The following UNC79 variants were observed in gnomAD, a reference collection of about 807,000 sequenced individuals.
UNC79 encodes protein unc-79 homolog.
In UNC79, 37 loss-of-function variants were observed where a neutral mutation model predicts 283.1. The observed-to-expected ratio is 0.13, with a 90% confidence interval of 0.10 to 0.17. UNC79 has a LOEUF of 0.17. Ranked by LOEUF, UNC79 falls within the 10% of genes least tolerant of loss-of-function variation. The pLI is 1.00. For missense variants in UNC79, 2,272 were observed against 3,211.1 expected (o/e 0.71, Z 7.07); for synonymous variants, 1,107 against 1,200.2 (o/e 0.92, Z 1.61).
chr14:93,437,925 G>T (rs1304730675), intron 1 of UNC79, among the ~76,000 whole-genome samples: 1 of 152,084 alleles, frequency 6.6e-6, no homozygotes, highest in African/African-American at 2.4e-5. Flanking sequence ...TCCAAATGAG[G>T]TCACATTCAC....
At position 93,419,023 on chromosome 14, in the gene UNC79, C is replaced by T. The variant is rs184475112; in HGVS notation, c.-350-48648C>T. Among the ~76,000 whole-genome samples the T allele has an allele frequency of 2.6e-3, 402 of 151,906 alleles. 2 individuals are homozygous for T. The highest frequency in any genetic ancestry group is 9.1e-3 in the African/African-American group (378 of 41,520). ...GTTTCGGCTCATGCACGGTGCGCTG[C>T]ACCCACTGTCCTGTGCCCACTGTCT... is the stretch of plus-strand genomic sequence containing the variant. On this transcript the variant is annotated intron_variant, in intron 1 of 49. Coordinates refer to the UNC79 transcript ENST00000256339.
intron 22 of UNC79, 105 bp from the exon 23 acceptor site, chr14:93,593,575 T>G: frequency 7.2e-7 from 1 of 1,385,404 alleles, no homozygotes; most frequent in Non-Finnish European, 9.8e-7. Context: ...AAAGCACCCC[T>G]ACCCACCGTC....
intron 1 of UNC79, among the ~76,000 whole-genome samples, chr14:93,342,222 G>A (rs897408341): frequency 1.3e-5 from 2 of 152,214 alleles, no homozygotes; most frequent in African/African-American, 4.8e-5. Context: ...CTAAAATCTA[G>A]GTGGAGACTC....
At chr14:93,504,677 T>A (rs1337254562) in intron 7 of UNC79, among the ~76,000 whole-genome samples, 4 of 152,064 alleles carry the variant, frequency 2.6e-5, no homozygotes, top group Admixed American at 2.6e-4. Context: ...TAGATGCAAT[T>A]AATTTTTAGT....
chr14:93,334,064 T>G (rs573572960), intron 1 of UNC79, among the ~76,000 whole-genome samples: 119 of 152,382 alleles, frequency 7.8e-4, no homozygotes, highest in Non-Finnish European at 2.5e-4. Flanking sequence ...CACACAGTTT[T>G]TTGTTGTTGT....
intron 30 of UNC79, among the ~76,000 whole-genome samples, chr14:93,624,320 G>A (rs926835028): frequency 1.3e-5 from 2 of 152,272 alleles, no homozygotes; most frequent in East Asian, 3.9e-4. Context: ...GGGAAAAAAC[G>A]GTCCTTGTTC....
intron 1 of UNC79, chr14:93,334,739 G>A (rs1265434913): frequency 6.6e-6 from 1 of 152,228 alleles, no homozygotes; most frequent in Admixed American, 6.5e-5. Flanking sequence ...TGAGAGGGCC[G>A]ACTTTTCTTA....
At chr14:93,471,983 C>T (rs2057535450) in intron 2 of UNC79, among the ~76,000 whole-genome samples, 1 of 151,706 alleles carries the variant, frequency 6.6e-6, no homozygotes, top group African/African-American at 2.4e-5. Flanking sequence ...TGTTTATTTC[C>T]CCCACCAAGA....
In UNC79 at chr14:93,443,691, G is replaced by A. The variant is rs561751898; in HGVS notation, c.22+12640G>A. Among the ~76,000 whole-genome samples, 3 of 152,270 alleles carry A rather than the reference G, an allele frequency of 2.0e-5. No homozygotes were observed. In the South Asian group the frequency reaches 6.2e-4, roughly 32 times the overall value. On this transcript the variant is annotated intron_variant, in intron 1 of 48. Transcript: ENST00000555664. ...ACCTGCCTTGGCCTCCCAAAGTGCTGGGATTACAGGCATGAGCCACGGCAC... is the reference window on the plus strand; with the variant it reads ...ACCTGCCTTGGCCTCCCAAAGTGCTAGGATTACAGGCATGAGCCACGGCAC...
chr14:93,374,046 G>A (rs1282646191), intron 1 of UNC79, among the ~76,000 whole-genome samples: 2 of 152,086 alleles, frequency 1.3e-5, no homozygotes, highest in African/African-American at 4.8e-5. Context: ...GAAAGCCTGG[G>A]GCCCCAAGCA....
chr14:93,680,975 T>C (rs1365226633), intron 41 of UNC79, among the ~76,000 whole-genome samples: 1 of 152,210 alleles, frequency 6.6e-6, no homozygotes, highest in Non-Finnish European at 1.5e-5. Context: ...GGCTTTACAT[T>C]TTCTAAAACC....
chr14:93,389,040 A>T (rs571258640), intron 1 of UNC79, among the ~76,000 whole-genome samples: 43 of 152,336 alleles, frequency 2.8e-4, no homozygotes, highest in African/African-American at 9.4e-4. Context: ...ATTTGGCTTC[A>T]GATTCTCAGG....
chr14:93,468,189 T>G (rs2057314912), intron 2 of UNC79, among the ~76,000 whole-genome samples: 1 of 152,224 alleles, frequency 6.6e-6, no homozygotes, highest in Non-Finnish European at 1.5e-5. Context: ...ATTTTCTATT[T>G]CCCTAAGTGT....
At chr14:93,598,365 C>CGTGTGT (rs71301930) in intron 24 of UNC79, among the ~76,000 whole-genome samples, 956 of 64,056 alleles carry the variant, frequency 0.015, 9 homozygotes, top group African/African-American at 0.028. Context: ...TATTGCATAA[C>CGTGTGT]GTGTGTGTGT....
At chr14:93,707,056 A>C (rs2075923886), downstream of UNC79, 10 of 844,280 alleles carry the variant, frequency 1.2e-5, no homozygotes, top group Non-Finnish European at 1.8e-5. Flanking sequence ...GAGAGGGCCG[A>C]AAATGAAGCT....
intron 42 of UNC79, among the ~76,000 whole-genome samples, chr14:93,683,985 C>T (rs2074053527): frequency 6.6e-6 from 1 of 152,064 alleles, no homozygotes; most frequent in South Asian, 2.1e-4. Context: ...ATGAACATAT[C>T]CATCATCTCC....
At chr14:93,456,774 C>T (rs2056807053) in intron 1 of UNC79, among the ~76,000 whole-genome samples, 1 of 152,138 alleles carries the variant, frequency 6.6e-6, no homozygotes. Context: ...AAGTGGGGCA[C>T]ATATCATCCT....
chr14:93,538,671 C>T (rs2061207334), intron 12 of UNC79, among the ~76,000 whole-genome samples: 2 of 151,984 alleles, frequency 1.3e-5, no homozygotes, highest in African/African-American at 4.8e-5. Flanking sequence ...GGCGAATTAC[C>T]TGCATAGGAA....
chr14:93,538,443 G>A (rs1221270044), intron 12 of UNC79, among the ~76,000 whole-genome samples: 1 of 152,206 alleles, frequency 6.6e-6, no homozygotes, highest in African/African-American at 2.4e-5. Flanking sequence ...TGGGAGGCAG[G>A]AGGGAATAAA....
Sources: allele counts gnomAD v4.1 joint callset (sites outside exome capture counted in the v4.1 genomes callset), GRCh38; gene constraint gnomAD v4.1.1; transcripts MANE v1.5; gene names NCBI Gene and HGNC (gene_info 2026-07-23, HGNC 2026-07-21).